The following ADCY5 variants were observed in gnomAD, a reference collection of about 807,000 sequenced individuals.
The protein encoded by ADCY5 is adenylate cyclase 5.
ADCY5 carries 30 observed loss-of-function variants against 119.7 expected under a neutral mutation model. That is an observed-to-expected ratio of 0.25 (90% CI 0.19 to 0.34). The LOEUF is 0.34. Among genes scored for constraint, ADCY5 ranks in the 10% least tolerant of loss-of-function variants. The pLI is 1.00. For missense variants in ADCY5, 1,324 were observed against 1,775.2 expected, an observed-to-expected ratio of 0.75 and a Z score of 4.57; for synonymous variants, 753 against 762.2, an observed-to-expected ratio of 0.99 and a Z score of 0.20.
intron 1 of ADCY5, among the ~76,000 whole-genome samples, chr3:123,393,395 A>T (rs969629048): frequency 2.0e-4 from 30 of 151,920 alleles, no homozygotes; most frequent in African/African-American, 6.8e-4. Context: ...CCATAAAAAA[A>T]AATTCTAAAA....
At chr3:123,419,037 G>C in intron 1 of ADCY5, 1 of 613,214 alleles carries the variant, frequency 1.6e-6, no homozygotes, top group Non-Finnish European at 2.0e-6. Flanking sequence ...ACAGCTCATG[G>C]GTCTTCTCAG....
intron 1 of ADCY5, among the ~76,000 whole-genome samples, chr3:123,367,748 C>T (rs961346745): frequency 2.0e-5 from 3 of 152,052 alleles, no homozygotes; most frequent in African/African-American, 7.2e-5. Context: ...CAGCTTCCCT[C>T]GTGCCTTCCC....
intron 1 of ADCY5, among the ~76,000 whole-genome samples, chr3:123,375,456 C>T (rs1156247016): frequency 2.6e-5 from 4 of 152,258 alleles, no homozygotes; most frequent in Non-Finnish European, 5.9e-5. Context: ...AGGCATCACC[C>T]CAACAGCTCA....
At chr3:123,302,896 C>A (rs1183296748) in intron 14 of ADCY5, among the ~76,000 whole-genome samples, 159 bp downstream of exon 14, 4 of 152,188 alleles carry the variant, frequency 2.6e-5, no homozygotes, top group African/African-American at 9.7e-5. Flanking sequence ...AGTGCAGACA[C>A]TGGCATGTAG....
intron 1 of ADCY5, among the ~76,000 whole-genome samples, chr3:123,406,287 T>A (rs1944898716): frequency 6.6e-6 from 1 of 152,242 alleles, no homozygotes; most frequent in Non-Finnish European, 1.5e-5. Flanking sequence ...ATAAAGGCTC[T>A]TGCCCACATT....
intron 2 of ADCY5, among the ~76,000 whole-genome samples, chr3:123,349,603 C>T (rs1004414419): frequency 1.3e-5 from 2 of 152,202 alleles, no homozygotes; most frequent in African/African-American, 2.4e-5. Context: ...CTTCCAGACC[C>T]GCTGAACTCA....
chr3:123,436,576 C>T (rs909422561), intron 1 of ADCY5, among the ~76,000 whole-genome samples: 1 of 151,222 alleles, frequency 6.6e-6, no homozygotes, highest in African/African-American at 2.4e-5. Flanking sequence ...CATGGTGGGG[C>T]ATGCCTGTAG....
Position 123,387,185 on chromosome 3 carries a change from AT to A in ADCY5, c.1135-34605del, listed in dbSNP as rs1183750174. ...CAGACACATGTATGTGTATACACAG[AT>A]TTTATTATTCATGTGTGTGGGTTGT... On this transcript the variant is annotated intron_variant, in intron 1 of 20. Transcript: ENST00000462833. 6.6e-5 allele frequency among the ~76,000 whole-genome samples: 10 copies of A among 152,368 alleles called. No homozygotes were observed. The East Asian group carries it at 1.9e-3, about 29-fold the overall frequency.
chr3:123,286,784 G>A lies in ADCY5; in HGVS notation c.3558C>T (p.Ala1186=), dbSNP rs778567256. ...GAGGCTTTCGTGCCCCTATCACCCC[G>A]GCCACCACGGGGCCGATGTTGAGCC... ...KIGLNIGPVV[A]GVIGARKPQY... Residue 1186 remains alanine, a synonymous_variant, in exon 20 of 21, where the codon GCC becomes GCT. Transcript: ENST00000462833. This position sits in a 1 kb window ranked among gnomAD's most constrained non-coding sequence, Gnocchi z 4.2. 12 of 1,610,668 alleles carry A rather than the reference G, an allele frequency of 7.5e-6. No individual in the cohort carries two copies. The African/African-American group carries it at 1.1e-4, about 14-fold the overall frequency.
chr3:123,293,539 GCACA>G (rs1232274875), intron 17 of ADCY5, among the ~76,000 whole-genome samples: 8 of 151,786 alleles, frequency 5.3e-5, no homozygotes, highest in South Asian at 2.1e-4. Flanking sequence ...ACACGCACAT[GCACA>G]CACACACTCT....
chr3:123,332,123 G>A (rs34452014), intron 4 of ADCY5, among the ~76,000 whole-genome samples: 12,598 of 152,280 alleles, frequency 0.083, 678 homozygotes, highest in Middle Eastern at 0.19. Flanking sequence ...GCTAGGGAAT[G>A]GCACACAGCC....
chr3:123,356,422 T>C (rs1943039210), intron 1 of ADCY5, among the ~76,000 whole-genome samples: 1 of 152,142 alleles, frequency 6.6e-6, no homozygotes, highest in African/African-American at 2.4e-5. Flanking sequence ...TTGACAAATG[T>C]ACAAAGGCAA....
Position 123,284,327 on chromosome 3 carries a change from C to CTGTT in ADCY5, c.*277_*280dup, listed in dbSNP as rs1179607242. On this transcript the variant is annotated 3_prime_UTR_variant, in exon 21 of 21. Transcript: ENST00000462833. ...CTCCTTTCCACCTGTGCAGCAGCAC[C>CTGTT]TGTTAGAAAACTCAAGCTTCAGACC... is the stretch of plus-strand genomic sequence containing the variant. 9.6e-6 allele frequency: 4 copies of CTGTT among 417,922 alleles called. No individual in the cohort carries two copies. The highest frequency in any genetic ancestry group is 2.9e-5 in the South Asian group (1 of 34,360). The allele number at this position is 417,922 out of a possible 1,614,324, so 25.9% of individuals were successfully genotyped here.
intron 1 of ADCY5, among the ~76,000 whole-genome samples, chr3:123,395,348 G>A (rs1944510175): frequency 6.6e-6 from 1 of 152,140 alleles, no homozygotes; most frequent in African/African-American, 2.4e-5. Context: ...CACAGCACCT[G>A]TTCAGCCTGC....
At chr3:123,409,220 C>T (rs1944983275) in intron 1 of ADCY5, among the ~76,000 whole-genome samples, 1 of 152,072 alleles carries the variant, frequency 6.6e-6, no homozygotes, top group South Asian at 2.1e-4. Context: ...AAAGTTTAAC[C>T]CTTATAAGGG....
chr3:123,333,937 C>A (rs1357233455), intron 3 of ADCY5, among the ~76,000 whole-genome samples: 1 of 152,150 alleles, frequency 6.6e-6, no homozygotes, highest in Admixed American at 6.5e-5. Context: ...AGCCCGTCAG[C>A]GTCCCTGGAA....
chr3:123,425,870 CCCAGGA>C (rs1298567911), intron 1 of ADCY5, among the ~76,000 whole-genome samples: 1 of 152,210 alleles, frequency 6.6e-6, no homozygotes, highest in Admixed American at 6.5e-5. Flanking sequence ...AAACCCATGA[CCCAGGA>C]CCTAGCTCTT....
intron 1 of ADCY5, among the ~76,000 whole-genome samples, chr3:123,390,995 T>C (rs1944387031): frequency 6.6e-6 from 1 of 152,196 alleles, no homozygotes; most frequent in African/African-American, 2.4e-5. Context: ...AGCCAAACAC[T>C]ACAAGGACAC....
intron 1 of ADCY5, among the ~76,000 whole-genome samples, chr3:123,445,277 G>A (rs932565291): frequency 6.6e-6 from 1 of 152,200 alleles, no homozygotes; most frequent in Admixed American, 6.5e-5. Context: ...ACCAGAAGGA[G>A]AAGTCAGTCA....
Sources: allele counts gnomAD v4.1 joint callset (sites outside exome capture counted in the v4.1 genomes callset), GRCh38; gene constraint gnomAD v4.1.1; non-coding constraint Gnocchi (gnomAD v3.1); transcripts MANE v1.5; gene names NCBI Gene and HGNC (gene_info 2026-07-23, HGNC 2026-07-21).